ATP10D: variants seen among roughly 807,000 people sequenced by gnomAD.
ATP10D encodes ATPase phospholipid transporting 10D (putative), also known as phospholipid-transporting ATPase VD.
In ATP10D, 89 loss-of-function variants were observed where a neutral mutation model predicts 144.8. The observed-to-expected ratio is 0.61, with a 90% confidence interval of 0.52 to 0.73. ATP10D has a LOEUF of 0.73. Ranked by LOEUF, ATP10D falls within the 30% of genes least tolerant of loss-of-function variation. ATP10D has a pLI of 0.00. For missense variants in ATP10D, 1,603 were observed against 1,714.8 expected (o/e 0.93, Z 1.15); for synonymous variants, 571 against 615.1 (o/e 0.93, Z 1.06).
chr4:47,487,248 A>C (rs1188396551), intron 1 of ATP10D, among the ~76,000 whole-genome samples: 1 of 151,800 alleles, frequency 6.6e-6, no homozygotes, highest in East Asian at 1.9e-4. Flanking sequence ...AAAAAAAAAA[A>C]AATAGAATCT....
intron 5 of ATP10D, among the ~76,000 whole-genome samples, chr4:47,531,869 A>G (rs1717584464): frequency 6.6e-6 from 1 of 152,150 alleles, no homozygotes; most frequent in Admixed American, 6.6e-5. Flanking sequence ...TGCCCCTAGC[A>G]GGATGTATTT....
chr4:47,522,978 T>C (rs1209485159), intron 3 of ATP10D, 34 bp from the exon 4 acceptor site: 3 of 1,502,000 alleles, frequency 2.0e-6, no homozygotes, highest in Non-Finnish European at 2.7e-6. Context: ...TCACTTGATA[T>C]TCTTTTTTTT....
At chr4:47,561,987 T>C (rs1037432259) in intron 14 of ATP10D, among the ~76,000 whole-genome samples, 2 of 152,188 alleles carry the variant, frequency 1.3e-5, no homozygotes, top group Admixed American at 1.3e-4. Flanking sequence ...CTACCCTAAG[T>C]GATTTCTCTG....
At chr4:47,510,183 T>C (rs530257066) in intron 1 of ATP10D, among the ~76,000 whole-genome samples, 11 of 152,102 alleles carry the variant, frequency 7.2e-5, no homozygotes, top group Non-Finnish European at 1.6e-4. Flanking sequence ...CCTCAGTCAT[T>C]TCAAAGCACT....
rs756936486 is a variant in ATP10D at position 47,525,624 on chromosome 4, G to A, written c.758G>A (p.Ser253Asn). 7 of 1,613,046 alleles carry A rather than the reference G, an allele frequency of 4.3e-6. No individual in the cohort carries two copies. Among genetic ancestry groups the A allele is most frequent in the Non-Finnish European group, 5.9e-6 (7 of 1,179,226 alleles). The change falls in exon 5 of 23, where the codon AGC (serine) becomes AAC (asparagine). Residue 253 changes from serine to asparagine, a missense_variant. Physicochemically the swap from Ser to Asn is conservative, Grantham distance 46 (BLOSUM62 1). Coordinates refer to ENST00000273859, the MANE Select transcript of ATP10D (RefSeq NM_020453.4). ...IECESPNNDL[S>N]RFRGFLEHSN... ...TGTGAAAGCCCAAACAATGACCTCA[G>A]CAGATTCCGAGGCTTCCTGTGAGTA... is the stretch of plus-strand genomic sequence containing the variant.
intron 1 of ATP10D, among the ~76,000 whole-genome samples, chr4:47,486,178 T>C (rs1423913400): frequency 6.6e-6 from 1 of 152,228 alleles, no homozygotes; most frequent in African/African-American, 2.4e-5. Context: ...TATTTTACGT[T>C]GTAAAACATG....
chr4:47,536,347 T>A, intron 7 of ATP10D, 90 bp from the exon 8 acceptor site: 2 of 1,484,018 alleles, frequency 1.3e-6, no homozygotes, highest in South Asian at 2.6e-5. Context: ...CCAAAATGAA[T>A]ACTCTCATTC....
intron 5 of ATP10D, among the ~76,000 whole-genome samples, chr4:47,531,568 G>A (rs766245006): frequency 2.0e-5 from 3 of 152,104 alleles, no homozygotes; most frequent in Non-Finnish European, 4.4e-5. Flanking sequence ...AAGTTATTGG[G>A]GTTAGTATTA....
Position 47,545,982 on chromosome 4 carries a change from A to G in ATP10D, c.1397-642A>G, listed in dbSNP as rs183278467. On this transcript the variant is annotated intron_variant, in intron 9 of 22. Coordinates refer to ENST00000273859, the MANE Select transcript of ATP10D (RefSeq NM_020453.4). ...CTCCAGTATTTGAGGACTAAAAAGAAGAGACAGCAGGAGAAACTAAGAAGA... is the reference window on the plus strand; with the variant it reads ...CTCCAGTATTTGAGGACTAAAAAGAGGAGACAGCAGGAGAAACTAAGAAGA... Among the ~76,000 whole-genome samples the G allele has an allele frequency of 1.2e-4, 19 of 152,326 alleles. No homozygotes were observed. In the East Asian group the frequency reaches 3.7e-3, roughly 29 times the overall value.
At chr4:47,542,707 G>C (rs183551758) in intron 9 of ATP10D, among the ~76,000 whole-genome samples, 14 of 152,176 alleles carry the variant, frequency 9.2e-5, no homozygotes, top group Non-Finnish European at 1.5e-4. Flanking sequence ...TCAAACTCCT[G>C]ACCTCAGGTG....
At chr4:47,565,374 C>T (rs965417188) in intron 15 of ATP10D, among the ~76,000 whole-genome samples, 4 of 152,112 alleles carry the variant, frequency 2.6e-5, no homozygotes, top group Non-Finnish European at 5.9e-5. Flanking sequence ...GACCCATAAC[C>T]ACAACCACCA....
chr4:47,491,018 G>T, intron 1 of ATP10D: 1 of 709,566 alleles, frequency 1.4e-6, no homozygotes. Flanking sequence ...GGTTCCAGCA[G>T]CTCAGGTTCC....
intron 13 of ATP10D, 108 bp downstream of exon 13, chr4:47,559,137 C>A: frequency 1.3e-6 from 1 of 745,592 alleles, no homozygotes. Flanking sequence ...GGGGAAAGTC[C>A]CCTGGACACT....
At chr4:47,529,547 T>C (rs112510663) in intron 5 of ATP10D, among the ~76,000 whole-genome samples, 20,858 of 152,210 alleles carry the variant, frequency 0.14, 1,623 homozygotes, top group South Asian at 0.24. Flanking sequence ...ACTGTAGCCT[T>C]GTAGTATAGT....
In ATP10D at chr4:47,579,837, G is replaced by T. The variant is rs562120560; in HGVS notation, c.3568-561G>T. 3.0e-4 allele frequency among the ~76,000 whole-genome samples: 46 copies of T among 152,350 alleles called. No homozygotes were observed. The South Asian group carries it at 8.9e-3, about 29-fold the overall frequency. ...TTAATTAGAGAGATGGCATGACCTG[G>T]TTTACATTTTTTAAGTCCATTTCCA... On this transcript the variant is annotated intron_variant, in intron 19 of 22. Transcript: ENST00000273859.
chr4:47,542,024 A>G (rs1046532300), intron 9 of ATP10D, among the ~76,000 whole-genome samples: 2 of 151,936 alleles, frequency 1.3e-5, no homozygotes, highest in African/African-American at 4.8e-5. Context: ...AATATTAAAG[A>G]AATACTAAGA....
At chr4:47,497,920 A>G (rs919337118) in intron 1 of ATP10D, among the ~76,000 whole-genome samples, 10 of 152,222 alleles carry the variant, frequency 6.6e-5, no homozygotes, top group African/African-American at 2.4e-4. Context: ...TAAGCTGTTA[A>G]GCATCTTTAA....
chr4:47,487,274 T>A (rs1220218896), intron 1 of ATP10D, among the ~76,000 whole-genome samples: 1 of 151,952 alleles, frequency 6.6e-6, no homozygotes, highest in East Asian at 1.9e-4. Context: ...ATTTTGCTAT[T>A]GTCAGTAAAA....
At chr4:47,545,568 A>G (rs1464716445) in intron 9 of ATP10D, among the ~76,000 whole-genome samples, 4 of 150,558 alleles carry the variant, frequency 2.7e-5, no homozygotes, top group Non-Finnish European at 4.4e-5. Context: ...TGTATGGAGG[A>G]CAGATGTTAG....
Sources: gnomAD v4.1 joint callset for allele counts (sites outside exome capture counted in the v4.1 genomes callset) on GRCh38, gnomAD v4.1.1 for gene constraint, MANE v1.5 for transcripts, NCBI Gene and HGNC (gene_info 2026-07-23, HGNC 2026-07-21) for gene names.